The following KAZN variants were observed in gnomAD, a reference collection of about 807,000 sequenced individuals.
The protein encoded by KAZN is kazrin, periplakin interacting protein.
Under a neutral mutation model 87.4 loss-of-function variants are expected in KAZN, and 40 were observed. The ratio of observed to expected loss-of-function variants is 0.46; its 90% CI spans 0.36 to 0.60. KAZN has a LOEUF of 0.60. Ranked by LOEUF, KAZN falls within the 20% of genes least tolerant of loss-of-function variation. KAZN has a pLI of 0.00. For missense variants in KAZN, 898 were observed against 1,073.9 expected (o/e 0.84, Z 2.29); for synonymous variants, 466 against 458.3 (o/e 1.02, Z -0.22).
intron 1 of KAZN, among the ~76,000 whole-genome samples, chr1:14,097,573 T>G (rs1644156150): frequency 6.6e-6 from 1 of 152,146 alleles, no homozygotes; most frequent in Non-Finnish European, 1.5e-5. Flanking sequence ...GTAATGAAAG[T>G]AGACAACAGC....
intron 2 of KAZN, among the ~76,000 whole-genome samples, chr1:14,436,373 TGGTGGA>T (rs1666384925): frequency 6.6e-6 from 1 of 151,884 alleles, no homozygotes; most frequent in African/African-American, 2.4e-5. Flanking sequence ...GTGGTGGTGG[TGGTGGA>T]GGAGGAAGTG....
intron 2 of KAZN, among the ~76,000 whole-genome samples, chr1:14,557,522 G>T (rs923474275): frequency 6.6e-6 from 1 of 151,612 alleles, no homozygotes; most frequent in Non-Finnish European, 1.5e-5. Flanking sequence ...ACAAATAATC[G>T]ATATTTATAA....
At chr1:14,137,334 T>C (rs1645129094) in intron 1 of KAZN, among the ~76,000 whole-genome samples, 1 of 152,114 alleles carries the variant, frequency 6.6e-6, no homozygotes, top group South Asian at 2.1e-4. Context: ...GGTGCGTGGG[T>C]CAGGTGGCCC....
At chr1:15,110,233 GTATA>G (rs1290347571) in intron 13 of KAZN, among the ~76,000 whole-genome samples, 6 of 146,406 alleles carry the variant, frequency 4.1e-5, no homozygotes, top group Admixed American at 2.1e-4. Context: ...TTGTGTATGT[GTATA>G]TATGTATATG....
intron 1 of KAZN, among the ~76,000 whole-genome samples, chr1:14,143,440 A>G (rs982160794): frequency 1.3e-5 from 2 of 152,072 alleles, no homozygotes; most frequent in African/African-American, 4.8e-5. Context: ...CTGGTTTTAT[A>G]TGTCAACTTT....
chr1:14,225,694 T>C (rs1225682486), intron 2 of KAZN, among the ~76,000 whole-genome samples: 1 of 151,252 alleles, frequency 6.6e-6, no homozygotes, highest in Non-Finnish European at 1.5e-5. Flanking sequence ...AATGGAACAG[T>C]AGTAAAGCTA....
At chr1:14,302,728 C>T (rs1267872332) in intron 2 of KAZN, among the ~76,000 whole-genome samples, 1 of 152,178 alleles carries the variant, frequency 6.6e-6, no homozygotes, top group African/African-American at 2.4e-5. Flanking sequence ...AGGCAAAAGA[C>T]AGCTACTCAT....
intron 2 of KAZN, among the ~76,000 whole-genome samples, chr1:14,387,313 C>T (rs974786436): frequency 4.5e-4 from 69 of 152,276 alleles, no homozygotes; most frequent in African/African-American, 1.4e-3. Flanking sequence ...TCTCTCAGCT[C>T]GTCAAAGTCA....
At chr1:14,370,255 G>T (rs1396668471) in intron 2 of KAZN, among the ~76,000 whole-genome samples, 3 of 152,198 alleles carry the variant, frequency 2.0e-5, no homozygotes, top group African/African-American at 7.2e-5. Context: ...GAAGAAGTGG[G>T]GAGGACTGGT....
At chr1:14,387,964 A>G (rs1377913950) in intron 2 of KAZN, among the ~76,000 whole-genome samples, 2 of 152,128 alleles carry the variant, frequency 1.3e-5, no homozygotes, top group South Asian at 4.1e-4. Flanking sequence ...GCAATCAGCG[A>G]GACTCCGTGG....
intron 1 of KAZN, among the ~76,000 whole-genome samples, chr1:14,150,198 C>G (rs1645442786): frequency 1.3e-5 from 2 of 152,192 alleles, no homozygotes; most frequent in Non-Finnish European, 2.9e-5. Context: ...GACTTTTTCT[C>G]TAGAGTGATG....
intron 1 of KAZN, among the ~76,000 whole-genome samples, chr1:14,014,036 T>C (rs1023675076): frequency 1.3e-5 from 2 of 152,188 alleles, no homozygotes; most frequent in Non-Finnish European, 2.9e-5. Context: ...TAAATAGCTT[T>C]AGGCTGCTCC....
At chr1:14,467,223 G>T (rs1257401466) in intron 2 of KAZN, among the ~76,000 whole-genome samples, 1 of 151,864 alleles carries the variant, frequency 6.6e-6, no homozygotes, top group African/African-American at 2.4e-5. Flanking sequence ...CAAAGTTTCT[G>T]TATACTGTTA....
chr1:14,448,111 T>C (rs950814404), intron 2 of KAZN, among the ~76,000 whole-genome samples: 1 of 152,230 alleles, frequency 6.6e-6, no homozygotes, highest in Non-Finnish European at 1.5e-5. Flanking sequence ...ATTGACTGAA[T>C]AGCAGCCATG....
At chr1:14,854,626 C>T (rs1237793843) in intron 1 of KAZN, among the ~76,000 whole-genome samples, 1 of 152,100 alleles carries the variant, frequency 6.6e-6, no homozygotes, top group Admixed American at 6.5e-5. Flanking sequence ...TCCAGTCTCA[C>T]CAGAGTGAGA....
chr1:14,425,551 A>G (rs1665674462), intron 2 of KAZN, among the ~76,000 whole-genome samples: 1 of 152,224 alleles, frequency 6.6e-6, no homozygotes, highest in Non-Finnish European at 1.5e-5. Context: ...GCAACTGGTT[A>G]TGCATGGGCT....
intron 13 of KAZN, among the ~76,000 whole-genome samples, chr1:15,108,935 G>A (rs946771032): frequency 2.0e-5 from 3 of 152,100 alleles, no homozygotes; most frequent in Admixed American, 6.5e-5. Flanking sequence ...TGGAGTTTTC[G>A]TGTTTTCATC....
chr1:14,403,044 C>T (rs7527590), intron 2 of KAZN, among the ~76,000 whole-genome samples: 323 of 152,254 alleles, frequency 2.1e-3, no homozygotes, highest in African/African-American at 6.0e-3. Flanking sequence ...TCAGGCTGGT[C>T]TTGAACTCCT....
chr1:14,978,364 G>A (rs966403418), intron 2 of KAZN, among the ~76,000 whole-genome samples: 2 of 151,832 alleles, frequency 1.3e-5, no homozygotes, highest in Admixed American at 6.6e-5. Flanking sequence ...TGTGTTCTAC[G>A]GAGCATCTGG....
Sources: gnomAD v4.1 joint callset for allele counts (sites outside exome capture counted in the v4.1 genomes callset) on GRCh38, gnomAD v4.1.1 for gene constraint, MANE v1.5 for transcripts, NCBI Gene and HGNC (gene_info 2026-07-23, HGNC 2026-07-21) for gene names.